Variants in ADGRL2 observed in about 807,000 individuals in gnomAD.
ADGRL2 encodes calcium-independent alpha-latrotoxin receptor 2.
ADGRL2 carries 44 observed loss-of-function variants against 157.4 expected under a neutral mutation model. The observed-to-expected ratio is 0.28, with a 90% confidence interval of 0.22 to 0.36. The LOEUF (loss-of-function observed/expected upper bound fraction) is 0.36, where lower values mean the gene tolerates loss of function less well. Ranked by LOEUF, ADGRL2 falls within the 10% of genes least tolerant of loss-of-function variation. The probability of loss-of-function intolerance (pLI) is 1.00; values close to 1 mark genes in which losing one functional copy is unlikely to be tolerated. For synonymous variants in ADGRL2, 585 were observed against 624.7 expected (o/e 0.94, Z 0.95); for missense variants, 1,510 against 1,768.9 (o/e 0.85, Z 2.63).
chr1:81,822,376 T>C (rs1182331277), intron 1 of ADGRL2, among the ~76,000 whole-genome samples: 1 of 151,678 alleles, frequency 6.6e-6, no homozygotes, highest in Non-Finnish European at 1.5e-5. Flanking sequence ...AAAAAATCTT[T>C]AATTTTTATA....
intron 3 of ADGRL2, among the ~76,000 whole-genome samples, chr1:81,922,882 C>T (rs1279554858): frequency 6.6e-6 from 1 of 152,094 alleles, no homozygotes; most frequent in African/African-American, 2.4e-5. Flanking sequence ...TACATTTCCC[C>T]TCCCTGCCTT....
At chr1:81,678,738 C>A (rs2083047056) in intron 3 of ADGRL2, among the ~76,000 whole-genome samples, 1 of 152,098 alleles carries the variant, frequency 6.6e-6, no homozygotes, top group Non-Finnish European at 1.5e-5. Flanking sequence ...ACAGTACAGG[C>A]CTTTCTCTTC....
intron 3 of ADGRL2, among the ~76,000 whole-genome samples, chr1:81,914,576 A>T (rs1572095028): frequency 6.6e-6 from 1 of 152,258 alleles, no homozygotes; most frequent in South Asian, 2.1e-4. Context: ...TCTACTTGAC[A>T]TGTCAGGTTT....
intron 3 of ADGRL2, among the ~76,000 whole-genome samples, chr1:81,597,458 A>T (rs1270667114): frequency 6.6e-6 from 1 of 152,262 alleles, no homozygotes; most frequent in Non-Finnish European, 1.5e-5. Flanking sequence ...TAGCAACAGC[A>T]GTAATGATAA....
chr1:81,395,042 G>A (rs887516159), intron 1 of ADGRL2, among the ~76,000 whole-genome samples: 2 of 152,014 alleles, frequency 1.3e-5, no homozygotes, highest in African/African-American at 2.4e-5. Flanking sequence ...GGGACTACAC[G>A]TGTGTGCCAC....
intron 1 of ADGRL2, chr1:81,427,547 C>A: frequency 1.3e-6 from 1 of 746,700 alleles, no homozygotes; most frequent in South Asian, 1.4e-5. Context: ...GGAAGAAGCT[C>A]ATCCCTATGA....
At chr1:81,908,093 A>G (rs980290266) in intron 3 of ADGRL2, among the ~76,000 whole-genome samples, 16 of 152,168 alleles carry the variant, frequency 1.1e-4, no homozygotes, top group Admixed American at 9.8e-4. Context: ...TTGCCTGTGG[A>G]ATTCAGTACA....
chr1:81,782,892 A>G (rs1202311733), intron 2 of ADGRL2, among the ~76,000 whole-genome samples: 1 of 152,076 alleles, frequency 6.6e-6, no homozygotes, highest in Non-Finnish European at 1.5e-5. Flanking sequence ...ATCAAAGAAG[A>G]CAGGGCACAG....
chr1:81,925,335 T>C (rs943107276), intron 3 of ADGRL2, among the ~76,000 whole-genome samples: 1 of 152,028 alleles, frequency 6.6e-6, no homozygotes, highest in Admixed American at 6.6e-5. Context: ...ACACAAAATA[T>C]CCTATGAGTT....
chr1:81,806,691 G>A (rs545930547), intron 1 of ADGRL2, among the ~76,000 whole-genome samples: 2 of 151,758 alleles, frequency 1.3e-5, no homozygotes, highest in East Asian at 3.9e-4. Context: ...GTTGTAGGTG[G>A]AATTCTAAGA....
chr1:81,977,221 C>T (rs1393340520), intron 17 of ADGRL2, among the ~76,000 whole-genome samples: 1 of 151,790 alleles, frequency 6.6e-6, no homozygotes, highest in African/African-American at 2.4e-5. Context: ...TATTTTTCCT[C>T]TGTAATTTTC....
chr1:81,589,337 T>G (rs6659297), intron 3 of ADGRL2, among the ~76,000 whole-genome samples: 1 of 151,906 alleles, frequency 6.6e-6, no homozygotes, highest in African/African-American at 2.4e-5. Flanking sequence ...CAGACTATAT[T>G]TGGACCAAGC....
At chr1:81,856,557 T>C (rs908019318) in intron 2 of ADGRL2, among the ~76,000 whole-genome samples, 5 of 152,132 alleles carry the variant, frequency 3.3e-5, no homozygotes, top group African/African-American at 1.2e-4. Context: ...AGCAGATCAT[T>C]TGAGTTAGAA....
chr1:81,640,193 AAC>A (rs996335382), intron 3 of ADGRL2, among the ~76,000 whole-genome samples: 4 of 152,136 alleles, frequency 2.6e-5, no homozygotes, highest in Admixed American at 2.6e-4. Context: ...ACTCAAAGAA[AAC>A]ACATGATAAT....
rs535213079 is a variant in ADGRL2, at chr1:81,590,033, C to T, written c.-143+9053C>T. On this transcript the variant is annotated intron_variant, in intron 3 of 24. Transcript: ENST00000370721. ...GTCAGCAGCAACTCATATCTTATAT[C>T]TACCAATCCTAAAAAGATCTGAGGA... Among the ~76,000 whole-genome samples, 385 of 152,286 alleles carry T rather than the reference C, an allele frequency of 2.5e-3. 3 individuals are homozygous for T. The highest frequency in any genetic ancestry group is 0.01 in the Middle Eastern group (3 of 294).
intron 1 of ADGRL2, among the ~76,000 whole-genome samples, chr1:81,831,715 G>A (rs937464999): frequency 6.6e-6 from 1 of 152,118 alleles, no homozygotes; most frequent in Non-Finnish European, 1.5e-5. Flanking sequence ...CTAACTGTGT[G>A]CAAGGCAGTT....
chr1:81,872,113 G>A (rs2093712324), intron 2 of ADGRL2, among the ~76,000 whole-genome samples: 2 of 152,142 alleles, frequency 1.3e-5, no homozygotes, highest in African/African-American at 4.8e-5. Flanking sequence ...TTTGTATAAG[G>A]TGTAAGGAAA....
Position 81,970,305 on chromosome 1 carries a change from C to T in ADGRL2, c.2734-9C>T, listed in dbSNP as rs1053207026. 3.1e-6 allele frequency: 5 copies of T among 1,598,372 alleles called. No homozygotes were observed. In the South Asian group the frequency reaches 3.3e-5, roughly 11 times the overall value. ...TTTCTTTTGTGTTTTTTGTTCTTTTCCCCCGTAGATTGCATGCCCAATATT... is the reference window on the plus strand; with the variant it reads ...TTTCTTTTGTGTTTTTTGTTCTTTTTCCCCGTAGATTGCATGCCCAATATT... On this transcript the variant is annotated splice_polypyrimidine_tract_variant and intron_variant, in intron 15 of 23. Transcript: ENST00000686636.
At chr1:81,448,886 A>G (rs1372393529) in intron 2 of ADGRL2, among the ~76,000 whole-genome samples, 1 of 152,192 alleles carries the variant, frequency 6.6e-6, no homozygotes, top group Admixed American at 6.5e-5. Flanking sequence ...TATTACACCC[A>G]AAACTTTTCC....
Sources: allele counts gnomAD v4.1 joint callset (sites outside exome capture counted in the v4.1 genomes callset), GRCh38; gene constraint gnomAD v4.1.1; transcripts MANE v1.5; gene names NCBI Gene and HGNC (gene_info 2026-07-23, HGNC 2026-07-21).